The following DLG5 variants were observed in gnomAD, a reference collection of about 807,000 sequenced individuals.
The protein encoded by DLG5 is disks large homolog 5.
In DLG5, 48 loss-of-function variants were observed where a neutral mutation model predicts 189.8. That is an observed-to-expected ratio of 0.25 (90% CI 0.20 to 0.32). DLG5 has a LOEUF of 0.32. Ranked by LOEUF, DLG5 falls within the 10% of genes least tolerant of loss-of-function variation. The pLI, the probability that DLG5 is intolerant of heterozygous loss-of-function variation, is 1.00. For synonymous variants in DLG5, 1,016 were observed against 1,054.1 expected (o/e 0.96, Z 0.70); for missense variants, 2,160 against 2,544.7 (o/e 0.85, Z 3.25).
chr10:77,793,908 T>C (rs1184207696), intron 31 of DLG5, 100 bp downstream of exon 31: 24 of 1,069,708 alleles, frequency 2.2e-5, no homozygotes, highest in African/African-American at 6.2e-5. Flanking sequence ...TGGGAGCATG[T>C]AGAAAGTGCG....
intron 1 of DLG5, among the ~76,000 whole-genome samples, chr10:77,879,392 G>A (rs936623011): frequency 2.0e-5 from 3 of 152,074 alleles, no homozygotes; most frequent in Non-Finnish European, 2.9e-5. Context: ...GAGGATGCAG[G>A]GCTTTATTCA....
At chr10:77,883,854 A>G (rs1149721) in intron 1 of DLG5, among the ~76,000 whole-genome samples, 39,111 of 151,790 alleles carry the variant, frequency 0.26, 5,631 homozygotes, top group Admixed American at 0.39. Flanking sequence ...CTGCCACCAG[A>G]AGTTGGCTAA....
rs1395896787 is a variant in DLG5, at chr10:77,790,799, A to AT, written c.*1640dup. ...CATCTTCAAACACAGCCTTACAGAA[A>AT]TTGACCTTTATTTGTTGTACTAAAG... On this transcript the variant is annotated 3_prime_UTR_variant, in exon 32 of 32. Transcript: ENST00000372391. The AT allele has an allele frequency of 1.3e-5, 2 of 152,258 alleles. No homozygotes were observed. Among genetic ancestry groups the AT allele is most frequent in the Non-Finnish European group, 2.9e-5 (2 of 68,048 alleles). The allele number at this position is 152,258 out of a possible 1,614,324, so 9.4% of individuals were successfully genotyped here.
rs184342153 is a variant in DLG5, at chr10:77,829,925, T to C, written c.2009+292A>G. Among the ~76,000 whole-genome samples the C allele has an allele frequency of 2.0e-4, 31 of 152,370 alleles. No individual in the cohort carries two copies. In the East Asian group the frequency reaches 6.0e-3, roughly 29 times the overall value. Reference sequence around the variant, plus strand: ...TTATCATCATGACTATTTCCCTGAATGAGCATGCCATGTACATCCTGGGCT... The same window carrying C: ...TTATCATCATGACTATTTCCCTGAACGAGCATGCCATGTACATCCTGGGCT... On this transcript the variant is annotated intron_variant, in intron 11 of 31. Coordinates refer to ENST00000372391, the MANE Select transcript of DLG5 (RefSeq NM_004747.4).
In DLG5 at chr10:77,843,650, C is replaced by T. The variant is rs749006057; in HGVS notation, c.921G>A (p.Met307Ile). 1.2e-5 allele frequency: 19 copies of T among 1,613,442 alleles called. No homozygotes were observed. The highest frequency in any genetic ancestry group is 1.6e-5 in the Non-Finnish European group (19 of 1,179,976). ...CCTTCTTGACCACCTCCAACTTGTCCATGGCCGTGTCATACAGTTTGTTGA... is the reference window on the plus strand; with the variant it reads ...CCTTCTTGACCACCTCCAACTTGTCTATGGCCGTGTCATACAGTTTGTTGA... ...EILNKLYDTA[M>I]DKLEVVKKDY... Residue 307 changes from methionine to isoleucine, a missense_variant, in exon 6 of 32, where the codon ATG becomes ATA. Physicochemically the swap from Met to Ile is conservative, Grantham distance 10 (BLOSUM62 1). Transcript: ENST00000372391.
chr10:77,907,149 ACTGGT>A lies in DLG5; in HGVS notation c.304+19063_304+19067del, dbSNP rs1846091952. ...AGGAACCAGAAGATTGCAAACCAGC[ACTGGT>A]CTGTAGACCACACCCTGAGTTGGGG... On this transcript the variant is annotated intron_variant, in intron 1 of 31. Transcript: ENST00000372391. 2.0e-5 allele frequency among the ~76,000 whole-genome samples: 3 copies of A among 152,186 alleles called. No individual in the cohort carries two copies. In the South Asian group the frequency reaches 6.2e-4, roughly 31 times the overall value.
chr10:77,858,883 G>C (rs1844359891), intron 2 of DLG5, among the ~76,000 whole-genome samples: 1 of 152,066 alleles, frequency 6.6e-6, no homozygotes. Flanking sequence ...TTGTGTGTGT[G>C]TGTTTTTTTG....
intron 1 of DLG5, among the ~76,000 whole-genome samples, chr10:77,883,255 G>C (rs755590507): frequency 6.6e-6 from 1 of 152,166 alleles, no homozygotes; most frequent in Non-Finnish European, 1.5e-5. Context: ...CATGGGGTAC[G>C]GGTAGGGAGA....
At chr10:77,804,914 C>A (rs1236461841) in intron 27 of DLG5, among the ~76,000 whole-genome samples, 1 of 152,192 alleles carries the variant, frequency 6.6e-6, no homozygotes, top group Non-Finnish European at 1.5e-5. Flanking sequence ...TCCATTCTTC[C>A]TCAGTAACTG....
chr10:77,819,450 C>T lies in DLG5; in HGVS notation c.3542G>A (p.Ser1181Asn). ...GCTCACAGTGGTGCTGGGGGTCAAA[C>T]TCCGGGGAACAGTGCCTAGAAATGG... is the stretch of plus-strand genomic sequence containing the variant. ...SRPSVGTVPR[S>N]LTPSTTVSSI... The change falls in exon 17 of 32, where the codon AGT becomes AAT. Residue 1181 changes from serine (S) to asparagine (N), a missense_variant. Ser to Asn is a conservative substitution (Grantham distance 46). Transcript: ENST00000372391. The T allele has an allele frequency of 6.2e-7, 1 of 1,613,368 alleles. No individual in the cohort carries two copies. The highest frequency in any genetic ancestry group is 8.5e-7 in the Non-Finnish European group (1 of 1,179,900).
rs1396915015 is a variant in DLG5, at chr10:77,854,378, A to G, written c.537-8T>C. 1.2e-6 allele frequency: 2 copies of G among 1,613,692 alleles called. No homozygotes were observed. The highest frequency in any genetic ancestry group is 1.7e-6 in the Non-Finnish European group (2 of 1,179,966). On this transcript the variant is annotated splice_polypyrimidine_tract_variant and splice_region_variant and intron_variant, in intron 3 of 31. Coordinates refer to ENST00000372391, the MANE Select transcript of DLG5 (RefSeq NM_004747.4). ...TTCAGCCTGTGGTAGGGCCTGGCCC[A>G]GAGAGCGAATGGCCCCATGAACACA...
intron 2 of DLG5, among the ~76,000 whole-genome samples, chr10:77,864,283 G>A (rs1308434984): frequency 6.6e-6 from 1 of 152,200 alleles, no homozygotes; most frequent in Admixed American, 6.5e-5. Context: ...CTGTATGCCT[G>A]TGCTTCCAGG....
chr10:77,828,863 CT>C lies in DLG5; in HGVS notation c.2289+18del. On this transcript the variant is annotated intron_variant, in intron 13 of 31. Coordinates refer to ENST00000372391, the MANE Select transcript of DLG5 (RefSeq NM_004747.4). ...GCCTATGCACGGCAGATGACCCTGG[CT>C]CCAGCCTTGAGACTTACCGCAACGA... is the stretch of plus-strand genomic sequence containing the variant. The C allele has an allele frequency of 1.2e-6, 1 of 828,346 alleles. No homozygotes were observed. Among genetic ancestry groups the C allele is most frequent in the South Asian group, 2.3e-5 (1 of 43,710 alleles). 51.3% of individuals were successfully genotyped at this position (828,346 alleles called of 1,614,324 possible). A position where few individuals can be genotyped will look rare whatever the true frequency, so the allele number is the denominator to read the frequency against.
rs761093854 is a variant in DLG5, at chr10:77,830,878, G to A, written c.1749-5C>T. 1 of 1,613,800 alleles carries A rather than the reference G, an allele frequency of 6.2e-7. No individual in the cohort carries two copies. The highest frequency in any genetic ancestry group is 8.5e-7 in the Non-Finnish European group (1 of 1,179,880). On this transcript the variant is annotated splice_region_variant and splice_polypyrimidine_tract_variant and intron_variant, in intron 9 of 31. Transcript: ENST00000372391. ...AACTGGGATTCCATCTGTTCCCTGT[G>A]AACAGAGAGAGCCACGGTGACAGCC...
chr10:77,866,422 CACAA>C, intron 2 of DLG5, among the ~76,000 whole-genome samples: 1 of 152,280 alleles, frequency 6.6e-6, no homozygotes, highest in South Asian at 2.1e-4. Flanking sequence ...CTGGTTTCGG[CACAA>C]ACAAGCAGCC....
chr10:77,847,663 T>G (rs1490094638), intron 5 of DLG5, among the ~76,000 whole-genome samples: 2 of 151,768 alleles, frequency 1.3e-5, no homozygotes, highest in Non-Finnish European at 2.9e-5. Flanking sequence ...CACACACGAG[T>G]GCGCACACAC....
At chr10:77,909,249 G>A (rs544757484) in intron 1 of DLG5, among the ~76,000 whole-genome samples, 17 of 152,212 alleles carry the variant, frequency 1.1e-4, no homozygotes, top group African/African-American at 3.9e-4. Context: ...TGAAGATGAG[G>A]GAGGTTACAG....
At chr10:77,871,120 T>C in intron 1 of DLG5, among the ~76,000 whole-genome samples, 1 of 152,158 alleles carries the variant, frequency 6.6e-6, no homozygotes, top group Non-Finnish European at 1.5e-5. Context: ...AGAGAATGAC[T>C]GGGGAATGGG....
chr10:77,872,615 C>T (rs1262689214), intron 1 of DLG5, among the ~76,000 whole-genome samples: 8 of 152,132 alleles, frequency 5.3e-5, no homozygotes, highest in South Asian at 2.1e-4. Context: ...GGCCCAAAGA[C>T]GACATTGTCT....
Sources: allele counts gnomAD v4.1 joint callset (sites outside exome capture counted in the v4.1 genomes callset), GRCh38; gene constraint gnomAD v4.1.1; transcripts MANE v1.5; gene names NCBI Gene and HGNC (gene_info 2026-07-23, HGNC 2026-07-21).